GDF10: variants seen among roughly 807,000 people sequenced by gnomAD.
The protein encoded by GDF10 is growth/differentiation factor 10.
Under a neutral mutation model 32.1 loss-of-function variants are expected in GDF10, and 23 were observed. The ratio of observed to expected loss-of-function variants is 0.72; its 90% CI spans 0.52 to 1.02. The LOEUF (loss-of-function observed/expected upper bound fraction) is 1.02. Among genes scored for constraint, GDF10 ranks in the 50% least tolerant of loss-of-function variants. The probability of loss-of-function intolerance (pLI) is 0.00; values close to 1 mark genes in which losing one functional copy is unlikely to be tolerated. For synonymous variants in GDF10, 328 were observed against 303.1 expected (o/e 1.08, Z -0.85); for missense variants, 764 against 673.9 (o/e 1.13, Z -1.48).
Position 47,300,552 on chromosome 10 carries a change from C to T in GDF10, c.-100C>T, listed in dbSNP as rs868946857. The T allele has an allele frequency of 8.8e-6, 10 of 1,132,712 alleles. No individual in the cohort carries two copies. Among genetic ancestry groups the T allele is most frequent in the African/African-American group, 3.3e-5 (2 of 60,852 alleles). The allele number at this position is 1,132,712 out of a possible 1,614,324, so 70.2% of individuals were successfully genotyped here. On this transcript the variant is annotated 5_prime_UTR_variant, in exon 1 of 3. Coordinates refer to ENST00000580279, the MANE Select transcript of GDF10 (RefSeq NM_004962.5). ...CAGCGCCCTGCTGCCCGGGCTCTCCCCGCGCGCCCTACTGCCGCGAGGTCA... is the reference window on the plus strand; with the variant it reads ...CAGCGCCCTGCTGCCCGGGCTCTCCTCGCGCGCCCTACTGCCGCGAGGTCA...
At position 47,310,200 on chromosome 10, in the gene GDF10, C is replaced by T. The variant is rs868982699; in HGVS notation, c.724C>T (p.Pro242Ser). The change falls in exon 2 of 3, where the codon CCC becomes TCC. Residue 242 changes from proline to serine, a missense_variant. Coordinates refer to ENST00000580279, the MANE Select transcript of GDF10 (RefSeq NM_004962.5). Reference sequence around the variant, plus strand: ...GGTGCCCCGGCCCAGCCCCTATGCGCCCTACATCCTAGTCTATGCCAACGA... The same window carrying T: ...GGTGCCCCGGCCCAGCCCCTATGCGTCCTACATCCTAGTCTATGCCAACGA... ...PGVPRPSPYA[P>S]YILVYANDLA... The T allele has an allele frequency of 7.4e-6, 12 of 1,611,336 alleles. No homozygotes were observed. The African/African-American group carries it at 1.3e-4, about 18-fold the overall frequency.
chr10:47,301,899 A>G (rs562683628), intron 1 of GDF10, among the ~76,000 whole-genome samples: 304 of 152,334 alleles, frequency 2.0e-3, no homozygotes, highest in Non-Finnish European at 3.4e-3. Context: ...GAGGGAAACA[A>G]GCCTAGCTGT....
chr10:47,312,494 C>T (rs1197965644), intron 2 of GDF10, 107 bp from the exon 3 acceptor site: 9 of 571,528 alleles, frequency 1.6e-5, no homozygotes, highest in African/African-American at 3.9e-5. Flanking sequence ...TGGCCTCAGC[C>T]GGGGAACAAC....
intron 1 of GDF10, among the ~76,000 whole-genome samples, chr10:47,309,519 G>A (rs1036398931): frequency 1.3e-5 from 2 of 152,196 alleles, no homozygotes; most frequent in Admixed American, 1.3e-4. Context: ...CTCCCTGTCT[G>A]CCCCTATTTC....
intron 1 of GDF10, among the ~76,000 whole-genome samples, chr10:47,305,094 A>G (rs1555207101): frequency 1.3e-5 from 2 of 152,150 alleles, no homozygotes; most frequent in African/African-American, 4.8e-5. Context: ...CAGGGCCTGG[A>G]GATTGGTTAA....
chr10:47,301,044 C>G (rs929003457), intron 1 of GDF10, 74 bp downstream of exon 1: 100 of 1,018,500 alleles, frequency 9.8e-5, no homozygotes, highest in Non-Finnish European at 1.3e-4. Context: ...CCCACCCGTG[C>G]ACCTCTACTT....
At chr10:47,304,703 T>C (rs1199154506) in intron 1 of GDF10, among the ~76,000 whole-genome samples, 2 of 152,236 alleles carry the variant, frequency 1.3e-5, no homozygotes, top group African/African-American at 2.4e-5. Flanking sequence ...ATATGTGAGA[T>C]ATATGTGGAT....
chr10:47,311,230 AG>A (rs2061045070), intron 2 of GDF10, among the ~76,000 whole-genome samples: 2 of 152,204 alleles, frequency 1.3e-5, no homozygotes, highest in South Asian at 4.1e-4. Flanking sequence ...AGGAATCCAC[AG>A]GGAATAGGCC....
rs1555207594 is a variant in GDF10, at chr10:47,310,368, C to T, written c.892C>T (p.Leu298Phe). Residue 298 changes from leucine to phenylalanine, a missense_variant, in exon 2 of 3, where the codon CTC (leucine) becomes TTC (phenylalanine). Physicochemically the swap from Leu to Phe is conservative, Grantham distance 22 (BLOSUM62 0). Transcript: ENST00000580279. ...VRRAAQATGP[L>F]QDNELPGLDE... is the part of the protein sequence containing the mutation. ...CCGAGCCGCGCAGGCCACTGGGCCC[C>T]TCCAGGACAACGAGCTGCCGGGGCT... is the stretch of plus-strand genomic sequence containing the variant. 6 of 1,607,488 alleles carry T rather than the reference C, an allele frequency of 3.7e-6. No individual in the cohort carries two copies. The Admixed American group carries it at 6.7e-5, about 18-fold the overall frequency.
At chr10:47,303,714 AC>A (rs1315923437) in intron 1 of GDF10, among the ~76,000 whole-genome samples, 1 of 151,926 alleles carries the variant, frequency 6.6e-6, no homozygotes, top group African/African-American at 2.4e-5. Flanking sequence ...AGGTTAGACC[AC>A]CCCTAATTCC....
Position 47,310,588 on chromosome 10 carries a change from A to G in GDF10, c.1112A>G (p.Asp371Gly), listed in dbSNP as rs1230018149. The G allele has an allele frequency of 6.2e-7, 1 of 1,614,192 alleles. No individual in the cohort carries two copies. Among genetic ancestry groups the G allele is most frequent in the Non-Finnish European group, 8.5e-7 (1 of 1,180,012 alleles). The change falls in exon 2 of 3, where the codon GAT becomes GGT. Residue 371 changes from aspartate (D) to glycine (G), a missense_variant. Coordinates refer to ENST00000580279, the MANE Select transcript of GDF10 (RefSeq NM_004962.5). Reference sequence around the variant, plus strand: ...CAGAAAGCCCGGAGGAAGCAGTGGGATGAGCCGAGGGTGTGCTCCCGGAGG... The same window carrying G: ...CAGAAAGCCCGGAGGAAGCAGTGGGGTGAGCCGAGGGTGTGCTCCCGGAGG... ...TMQKARRKQW[D>G]EPRVCSRRYL... is the part of the protein sequence containing the mutation.
At position 47,310,002 on chromosome 10, in the gene GDF10, A is replaced by G; in HGVS notation, c.526A>G (p.Ser176Gly). The G allele has an allele frequency of 3.1e-6, 5 of 1,610,148 alleles. No homozygotes were observed. Among genetic ancestry groups the G allele is most frequent in the Non-Finnish European group, 4.2e-6 (5 of 1,178,390 alleles). The stretch of plus-strand genomic sequence containing the variant: ...CACACGCCAGCACCTGCTCTTCCGC[A>G]GCCTCTCGCAGAACACGGCCACACA... ...PPTRQHLLFR[S>G]LSQNTATQGL... is the part of the protein sequence containing the mutation. Residue 176 changes from serine to glycine, a missense_variant, in exon 2 of 3, where the codon AGC becomes GGC. Coordinates refer to ENST00000580279, the MANE Select transcript of GDF10 (RefSeq NM_004962.5).
chr10:47,304,033 G>T (rs1555207023), intron 1 of GDF10, among the ~76,000 whole-genome samples: 1 of 152,138 alleles, frequency 6.6e-6, no homozygotes, highest in African/African-American at 2.4e-5. Flanking sequence ...TGCTGCGGGA[G>T]CCCAAAGGCG....
intron 2 of GDF10, 27 bp from the exon 3 acceptor site, chr10:47,312,574 T>C (rs548194493): frequency 6.0e-6 from 9 of 1,512,372 alleles, no homozygotes; most frequent in Non-Finnish European, 8.1e-6. Context: ...GGAGCTGAGG[T>C]AACCCTACTC....
intron 1 of GDF10, among the ~76,000 whole-genome samples, chr10:47,307,260 AAG>A (rs1394868178): frequency 3.9e-5 from 6 of 152,160 alleles, no homozygotes; most frequent in African/African-American, 1.4e-4. Flanking sequence ...AAGAGGAAGA[AAG>A]AAAGGAAAAG....
chr10:47,304,853 G>T (rs181060177), intron 1 of GDF10, among the ~76,000 whole-genome samples: 131 of 152,284 alleles, frequency 8.6e-4, no homozygotes, highest in Middle Eastern at 3.4e-3. Flanking sequence ...TGTGGAAACT[G>T]CCTCCTTGTA....
chr10:47,312,707 T>C lies in GDF10; in HGVS notation c.1352T>C (p.Leu451Pro), dbSNP rs782746612. 6.2e-7 allele frequency: 1 copy of C among 1,608,960 alleles called. No homozygotes were observed. The highest frequency in any genetic ancestry group is 8.5e-7 in the Non-Finnish European group (1 of 1,177,146). Residue 451 changes from leucine (L) to proline (P), a missense_variant, in exon 3 of 3, where the codon CTT becomes CCT. Coordinates refer to ENST00000580279, the MANE Select transcript of GDF10 (RefSeq NM_004962.5). ...TGTGTTCCCGATAAGATGAACTCCC[T>C]TGGGGTCCTCTTCCTGGATGAGAAT... ...PCCVPDKMNS[L>P]GVLFLDENRN...
At chr10:47,301,719 G>A (rs1555206873) in intron 1 of GDF10, among the ~76,000 whole-genome samples, 1 of 152,216 alleles carries the variant, frequency 6.6e-6, no homozygotes, top group South Asian at 2.1e-4. Context: ...GAGAGGAGGT[G>A]CAGCCAGGGC....
chr10:47,309,790 T>C lies in GDF10; in HGVS notation c.320-6T>C. ...TCACAGCCTGTGGTCTCTCCTTCCC[T>C]CACAGAAGTGGTCGACCAGAAGGCC... On this transcript the variant is annotated splice_region_variant and splice_polypyrimidine_tract_variant and intron_variant, in intron 1 of 2. Coordinates refer to ENST00000580279, the MANE Select transcript of GDF10 (RefSeq NM_004962.5). 3 of 1,596,878 alleles carry C rather than the reference T, an allele frequency of 1.9e-6. No individual in the cohort carries two copies. Among genetic ancestry groups the C allele is most frequent in the South Asian group, 2.2e-5 (2 of 90,082 alleles).
Sources: allele counts gnomAD v4.1 joint callset (sites outside exome capture counted in the v4.1 genomes callset), GRCh38; gene constraint gnomAD v4.1.1; transcripts MANE v1.5; gene names NCBI Gene and HGNC (gene_info 2026-07-23, HGNC 2026-07-21).